The following CEP135 variants were observed in gnomAD, a reference collection of about 807,000 sequenced individuals.
CEP135 encodes centrosomal protein of 135 kDa.
A neutral mutation model predicts 157.3 loss-of-function variants in CEP135; 142 were observed. The observed-to-expected ratio is 0.90, with a 90% CI of 0.79 to 1.04. The LOEUF (loss-of-function observed/expected upper bound fraction) is 1.04, where lower values mean the gene tolerates loss of function less well. Ranked by LOEUF, CEP135 falls within the 50% of genes least tolerant of loss-of-function variation. The probability of loss-of-function intolerance (pLI) is 0.00; values close to 1 mark genes in which losing one functional copy is unlikely to be tolerated. For missense variants in CEP135, 1,317 were observed against 1,309.2 expected (o/e 1.01, Z -0.09); for synonymous variants, 396 against 439.8 (o/e 0.90, Z 1.25).
chr4:56,019,279 A>G (rs1200049391), intron 22 of CEP135, 74 bp from the exon 23 acceptor site: 1 of 1,165,910 alleles, frequency 8.6e-7, no homozygotes, highest in East Asian at 2.5e-5. Context: ...ACAGAGCTAT[A>G]TTGTCAGATA....
chr4:55,953,608 A>G (rs1728427476), intron 3 of CEP135, among the ~76,000 whole-genome samples: 1 of 152,234 alleles, frequency 6.6e-6, no homozygotes, highest in South Asian at 2.1e-4. Flanking sequence ...TGTGCATTAT[A>G]TAGCTATGAT....
At chr4:56,021,442 A>T (rs1369011819) in intron 24 of CEP135, among the ~76,000 whole-genome samples, 1 of 152,118 alleles carries the variant, frequency 6.6e-6, no homozygotes, top group East Asian at 1.9e-4. Flanking sequence ...ATTTTGGTTC[A>T]TTTGCTTTAC....
rs1181396587 is a variant in CEP135, at chr4:56,009,868, C to T, written c.2470C>T (p.Gln824Ter). The T allele has an allele frequency of 1.2e-6, 2 of 1,613,638 alleles. No individual in the cohort carries two copies. Among genetic ancestry groups the T allele is most frequent in the African/African-American group, 2.7e-5 (2 of 75,016 alleles). ...CGCTTTTAAGGAAAACAGAAGACTG[C>T]AAGATGACCTGGCTACAATGGCAAG... ...EIAFKENRRL[Q>*]DDLATMAREN... The change falls in exon 19 of 26, where the codon CAA (glutamine) becomes TAA (stop). Residue 824 changes from glutamine (Q) to a stop codon, truncating the protein, a stop_gained. Transcript: ENST00000257287. LOFTEE classifies it high-confidence loss of function.
chr4:55,995,927 T>C (rs1729955386), intron 15 of CEP135, among the ~76,000 whole-genome samples: 1 of 152,198 alleles, frequency 6.6e-6, no homozygotes, highest in Non-Finnish European at 1.5e-5. Context: ...TTTATCTGTG[T>C]ATGTTCAAAA....
In CEP135 at chr4:56,007,077, A is replaced by C. The variant is rs535961530; in HGVS notation, c.2281-1250A>C. On this transcript the variant is annotated intron_variant, in intron 17 of 25. Coordinates refer to ENST00000257287, the MANE Select transcript of CEP135 (RefSeq NM_025009.5). ...CCTGGCTAATTTTTGTATTTTTAGT[A>C]GAGATGGCATTTCACCATGTTGGCC... Among the ~76,000 whole-genome samples, 126 of 152,124 alleles carry C rather than the reference A, an allele frequency of 8.3e-4. 1 individual carries two copies. The highest frequency in any genetic ancestry group is 2.9e-3 in the African/African-American group (122 of 41,520).
At chr4:55,963,421 T>C (rs1728744700) in intron 6 of CEP135, among the ~76,000 whole-genome samples, 2 of 152,338 alleles carry the variant, frequency 1.3e-5, no homozygotes, top group South Asian at 4.1e-4. Context: ...CTTTTTGGTA[T>C]GTTTGGAATG....
chr4:55,980,413 T>G, intron 12 of CEP135, 118 bp downstream of exon 12: 1 of 590,728 alleles, frequency 1.7e-6, no homozygotes, highest in Non-Finnish European at 2.7e-6. Flanking sequence ...TCTTCATAAT[T>G]AAAATTATCA....
At chr4:56,025,701 T>C (rs947685842) in intron 25 of CEP135, among the ~76,000 whole-genome samples, 1 of 152,074 alleles carries the variant, frequency 6.6e-6, no homozygotes, top group African/African-American at 2.4e-5. Flanking sequence ...TTGGAAAGGA[T>C]AGGAACTAGA....
intron 10 of CEP135, among the ~76,000 whole-genome samples, chr4:55,974,140 T>C (rs575696361): frequency 6.6e-6 from 1 of 152,318 alleles, no homozygotes; most frequent in Non-Finnish European, 1.5e-5. Flanking sequence ...TTAATACATA[T>C]CTGTTGAATG....
chr4:56,023,976 A>G (rs895176677), intron 24 of CEP135, among the ~76,000 whole-genome samples: 2 of 140,064 alleles, frequency 1.4e-5, no homozygotes, highest in South Asian at 4.4e-4. Context: ...TATAAATATT[A>G]TATAATATAT....
intron 1 of CEP135, among the ~76,000 whole-genome samples, chr4:55,949,505 T>C (rs1452133424): frequency 6.6e-6 from 1 of 152,256 alleles, no homozygotes; most frequent in Non-Finnish European, 1.5e-5. Context: ...TCTCCACTGC[T>C]TTCCAGCCTT....
At position 56,033,250 on chromosome 4, in the gene CEP135, T is replaced by G. The variant is rs908991449; in HGVS notation, c.*1902T>G. The G allele has an allele frequency of 6.6e-6, 1 of 152,096 alleles. No individual in the cohort carries two copies. The highest frequency in any genetic ancestry group is 2.4e-5 in the African/African-American group (1 of 41,460). 9.4% of individuals were successfully genotyped at this position (152,096 alleles called of 1,614,324 possible). On this transcript the variant is annotated 3_prime_UTR_variant, in exon 26 of 26. Transcript: ENST00000257287. ...AACCATGATATTGTTTTGAAAAAAT[T>G]TTATCTTAAAATACTGAATGTTCTG...
intron 11 of CEP135, among the ~76,000 whole-genome samples, chr4:55,975,959 A>G (rs1382304414): frequency 6.6e-6 from 1 of 152,170 alleles, no homozygotes; most frequent in Non-Finnish European, 1.5e-5. Flanking sequence ...TATGTTATCT[A>G]TTATAAGAAT....
At chr4:56,002,828 A>G (rs1221306808) in intron 17 of CEP135, among the ~76,000 whole-genome samples, 2 of 152,176 alleles carry the variant, frequency 1.3e-5, no homozygotes, top group African/African-American at 4.8e-5. Flanking sequence ...GATGTTCAGT[A>G]GAGTTCAGCA....
intron 25 of CEP135, among the ~76,000 whole-genome samples, chr4:56,029,517 C>T (rs1306980103): frequency 6.6e-6 from 1 of 152,032 alleles, no homozygotes; most frequent in Non-Finnish European, 1.5e-5. Flanking sequence ...GGGCAGAGAC[C>T]CAATATATAC....
intron 3 of CEP135, among the ~76,000 whole-genome samples, chr4:55,953,904 G>C (rs988872140): frequency 6.6e-6 from 1 of 152,302 alleles, no homozygotes; most frequent in Middle Eastern, 3.4e-3. Context: ...CTTATATTCA[G>C]TAGAAAACTT....
rs1447466420 is a variant in CEP135, at chr4:55,952,209, G to C, written c.79G>C (p.Val27Leu). The C allele has an allele frequency of 1.2e-6, 2 of 1,612,832 alleles. No individual in the cohort carries two copies. The highest frequency in any genetic ancestry group is 1.1e-5 in the South Asian group (1 of 91,030). ...GCTGGGATACCGCCAGACTCTGACA[G>C]TGGAGTGTTTACCTTTGGTAGAAAA... ...DQLGYRQTLTVECLPLVEKLF... is the reference protein window; with the variant it reads ...DQLGYRQTLTLECLPLVEKLF... The change falls in exon 2 of 26, where the codon GTG becomes CTG. Residue 27 changes from valine (V) to leucine (L), a missense_variant. Transcript: ENST00000257287.
At chr4:56,026,955 C>G (rs1560428664) in intron 25 of CEP135, among the ~76,000 whole-genome samples, 1 of 152,232 alleles carries the variant, frequency 6.6e-6, no homozygotes, top group Non-Finnish European at 1.5e-5. Context: ...AACATTTCCT[C>G]TGACTCAGAA....
At chr4:55,953,596 A>G (rs1728427230) in intron 3 of CEP135, among the ~76,000 whole-genome samples, 1 of 152,194 alleles carries the variant, frequency 6.6e-6, no homozygotes, top group African/African-American at 2.4e-5. Context: ...AAGGAAAATA[A>G]ATGTGCATTA....
Sources: allele counts gnomAD v4.1 joint callset (sites outside exome capture counted in the v4.1 genomes callset), GRCh38; gene constraint gnomAD v4.1.1; transcripts MANE v1.5; gene names NCBI Gene and HGNC (gene_info 2026-07-23, HGNC 2026-07-21).